Variants in C13orf42 observed in about 807,000 individuals in gnomAD.
The protein encoded by C13orf42 is chromosome 13 open reading frame 42.
intron 1 of C13orf42, among the ~76,000 whole-genome samples, chr13:51,143,060 A>G (rs188196545): frequency 1.3e-5 from 2 of 152,338 alleles, no homozygotes; most frequent in Admixed American, 6.5e-5. Context: ...CATTACATCC[A>G]TGTATCTTCC....
chr13:51,150,140 C>CAA (rs1312278213), intron 1 of C13orf42, among the ~76,000 whole-genome samples: 4 of 152,222 alleles, frequency 2.6e-5, no homozygotes, highest in Non-Finnish European at 5.9e-5. Flanking sequence ...ATTATGTAGA[C>CAA]AAAAACACAT....
upstream of C13orf42, chr13:51,113,346 G>A (rs1953453649): frequency 6.6e-6 from 1 of 152,168 alleles, no homozygotes; most frequent in Non-Finnish European, 1.5e-5. Context: ...AGTCACCTCC[G>A]ACGCCAGTCC....
intron 1 of C13orf42, among the ~76,000 whole-genome samples, chr13:51,148,450 A>G (rs958586823): frequency 1.3e-5 from 2 of 152,232 alleles, no homozygotes; most frequent in African/African-American, 4.8e-5. Flanking sequence ...TGCCATGCAG[A>G]GAACAATGGT....
At chr13:51,107,254 C>T (rs552183291) in intron 1 of C13orf42, among the ~76,000 whole-genome samples, 1 of 152,280 alleles carries the variant, frequency 6.6e-6, no homozygotes, top group East Asian at 1.9e-4. Flanking sequence ...GCATGAAAGC[C>T]ATATGTCTTG....
chr13:51,107,551 G>T (rs1593536048), intron 1 of C13orf42, among the ~76,000 whole-genome samples: 2 of 152,274 alleles, frequency 1.3e-5, no homozygotes, highest in African/African-American at 4.8e-5. Context: ...CAGGCCAGGG[G>T]CTTGCATCCG....
intron 1 of C13orf42, among the ~76,000 whole-genome samples, chr13:51,124,193 T>C (rs1212833111): frequency 6.6e-6 from 1 of 152,126 alleles, no homozygotes; most frequent in Non-Finnish European, 1.5e-5. Flanking sequence ...CAGCTTCGAC[T>C]CCCTACAATT....
chr13:51,168,674 A>G (rs1161168824), intron 1 of C13orf42, among the ~76,000 whole-genome samples: 1 of 152,234 alleles, frequency 6.6e-6, no homozygotes, highest in Non-Finnish European at 1.5e-5. Flanking sequence ...GGCTGCTTAC[A>G]TACCAACTAA....
intron 1 of C13orf42, among the ~76,000 whole-genome samples, chr13:51,137,825 A>G (rs7320544): frequency 0.12 from 18,905 of 152,238 alleles, 1,295 homozygotes; most frequent in African/African-American, 0.16. Context: ...TCTTGATTTC[A>G]TGTTCTGGCA....
chr13:51,128,232 CCTTT>C (rs1953590556), intron 1 of C13orf42, among the ~76,000 whole-genome samples: 1 of 152,218 alleles, frequency 6.6e-6, no homozygotes, highest in African/African-American at 2.4e-5. Context: ...AGCCATTCTT[CCTTT>C]CTTTACTTTC....
At chr13:51,150,876 T>C (rs1175739276) in intron 1 of C13orf42, among the ~76,000 whole-genome samples, 4 of 152,228 alleles carry the variant, frequency 2.6e-5, no homozygotes, top group African/African-American at 7.2e-5. Flanking sequence ...AGGCTACCAA[T>C]GTCTTCTGAG....
intron 1 of C13orf42, among the ~76,000 whole-genome samples, chr13:51,092,482 G>A (rs966027272): frequency 9.9e-5 from 15 of 152,024 alleles, no homozygotes; most frequent in African/African-American, 3.6e-4. Context: ...AAACTTGAGT[G>A]TAAAATCCTT....
rs1478879786 is a variant in C13orf42 at position 51,143,874 on chromosome 13, T to C, written n.136+28379A>G. ...AATACAAAATGGTGTTTGGTTTTCT[T>C]TGGGCTGTATTTGTATAAATATATT... On this transcript the variant is annotated intron_variant and non_coding_transcript_variant, in intron 1 of 4. Transcript: ENST00000433280. 3.3e-5 allele frequency among the ~76,000 whole-genome samples: 5 copies of C among 152,270 alleles called. No homozygotes were observed. The South Asian group carries it at 8.3e-4, about 25-fold the overall frequency.
rs571784255 is a variant in C13orf42, at chr13:51,157,213, C to T, written n.136+15040G>A. Among the ~76,000 whole-genome samples, 269 of 152,230 alleles carry T rather than the reference C, an allele frequency of 1.8e-3. 3 individuals are homozygous for T. Among genetic ancestry groups the T allele is most frequent in the Admixed American group, 0.016 (240 of 15,272 alleles). ...CTTTGGGAGGCCGAGGCGGACGGAT[C>T]GTTTGAGGTCAGGAGTTCGAGACCA... On this transcript the variant is annotated intron_variant and non_coding_transcript_variant, in intron 1 of 4. Transcript: ENST00000433280.
chr13:51,154,852 T>A (rs1953813120), intron 1 of C13orf42, among the ~76,000 whole-genome samples: 1 of 152,150 alleles, frequency 6.6e-6, no homozygotes, highest in African/African-American at 2.4e-5. Context: ...TGTGAAAAGT[T>A]CTATAAAGGG....
intron 1 of C13orf42, among the ~76,000 whole-genome samples, chr13:51,126,010 A>G (rs1373752584): frequency 6.6e-6 from 1 of 152,206 alleles, no homozygotes; most frequent in Non-Finnish European, 1.5e-5. Flanking sequence ...CGCCATTACA[A>G]TAACAGGTGC....
At chr13:51,093,666 G>T (rs1953202690) in intron 1 of C13orf42, among the ~76,000 whole-genome samples, 1 of 152,160 alleles carries the variant, frequency 6.6e-6, no homozygotes, top group Non-Finnish European at 1.5e-5. Context: ...TCGATTGGGG[G>T]TTTATGTGAT....
chr13:51,115,338 C>T (rs1238162487), upstream of C13orf42, among the ~76,000 whole-genome samples: 1 of 152,178 alleles, frequency 6.6e-6, no homozygotes, highest in Admixed American at 6.5e-5. Flanking sequence ...TGCCCCCTAT[C>T]GTGACTAGCA....
rs577617331 is a variant in C13orf42 at position 51,110,937 on chromosome 13, C to CTCCTGCAGG, written c.264_272dup (p.Gln90_Glu91insAspLeuGln). ...GATATTTTTTGCGCAAGGCCAGCAGCTCCTGCAGGTACTGCAGGCAGTCCT... is the reference window on the plus strand; with the variant it reads ...GATATTTTTTGCGCAAGGCCAGCAGCTCCTGCAGGTCCTGCAGGTACTGCAGGCAGTCCT... On this transcript the variant is annotated inframe_insertion, in exon 1 of 4. Coordinates refer to ENST00000563710, the MANE Select transcript of C13orf42 (RefSeq NM_001351589.3). 7.1e-4 allele frequency: 282 copies of CTCCTGCAGG among 398,684 alleles called. 2 individuals carry two copies. In the East Asian group the frequency reaches 9.1e-3, roughly 13 times the overall value. 24.7% of individuals were successfully genotyped at this position (398,684 alleles called of 1,614,324 possible). A position where few individuals can be genotyped will look rare whatever the true frequency, so the allele number is the denominator to read the frequency against.
rs186192927 is a variant in C13orf42 at position 51,160,261 on chromosome 13, C to T, written n.136+11992G>A. ...AGAATGGTGGCTCACGCCTGGAATC[C>T]CAGCATTTTGGGAGGCCGAGGCAGG... On this transcript the variant is annotated intron_variant and non_coding_transcript_variant, in intron 1 of 4. Coordinates refer to the C13orf42 transcript ENST00000433280. Among the ~76,000 whole-genome samples, 682 of 152,296 alleles carry T rather than the reference C, an allele frequency of 4.5e-3. 2 individuals are homozygous for T. The highest frequency in any genetic ancestry group is 0.02 in the Middle Eastern group (6 of 294).
Sources: allele counts gnomAD v4.1 joint callset (sites outside exome capture counted in the v4.1 genomes callset), GRCh38; gene constraint gnomAD v4.1.1; transcripts MANE v1.5; gene names NCBI Gene and HGNC (gene_info 2026-07-23, HGNC 2026-07-21).